Variants in PALM2AKAP2 observed in about 807,000 individuals in gnomAD.
PALM2AKAP2 encodes PALM2 and AKAP2 fusion.
PALM2AKAP2 carries 37 observed loss-of-function variants against 71.5 expected under a neutral mutation model. The observed-to-expected ratio is 0.52, with a 90% confidence interval of 0.40 to 0.68. The LOEUF (loss-of-function observed/expected upper bound fraction) is 0.68, where lower values mean the gene tolerates loss of function less well. Among genes scored for constraint, PALM2AKAP2 ranks in the 30% least tolerant of loss-of-function variants. The pLI, the probability that PALM2AKAP2 is intolerant of heterozygous loss-of-function variation, is 0.00. For synonymous variants in PALM2AKAP2, 468 were observed against 478.8 expected (o/e 0.98, Z 0.29); for missense variants, 1,224 against 1,191.8 (o/e 1.03, Z -0.40).
In PALM2AKAP2 at chr9:109,775,156, G is replaced by A. The variant is rs1375786409; in HGVS notation, c.6-5332G>A. Reference sequence around the variant, plus strand: ...AACCATTTGGCTCTAATTGATTCCCGTACACTCTCCTTATCTACCCAGTTT... The same window carrying A: ...AACCATTTGGCTCTAATTGATTCCCATACACTCTCCTTATCTACCCAGTTT... On this transcript the variant is annotated intron_variant, in intron 1 of 6. Coordinates refer to the PALM2AKAP2 transcript ENST00000374531. 2.0e-5 allele frequency among the ~76,000 whole-genome samples: 3 copies of A among 152,044 alleles called. No individual in the cohort carries two copies. The South Asian group carries it at 6.3e-4, about 32-fold the overall frequency.
chr9:109,880,739 G>A, intron 3 of PALM2AKAP2, 58 bp downstream of exon 3: 1 of 1,594,844 alleles, frequency 6.3e-7, no homozygotes, highest in East Asian at 2.3e-5. Context: ...AGTAACCACT[G>A]CTCTCCTCTA....
chr9:110,035,850 T>G (rs906042463), intron 7 of PALM2AKAP2, among the ~76,000 whole-genome samples: 6 of 139,580 alleles, frequency 4.3e-5, no homozygotes, highest in Admixed American at 1.4e-4. Flanking sequence ...ATAATATATA[T>G]GATATGTTGT....
rs139815561 is a variant in PALM2AKAP2, at chr9:109,682,306, G to T, written c.5+41440G>T. ...GCTTCTCAGAATATATTCTGTTTTGGTGTTTCTGGATCACTTTGCTTCATT... is the reference window on the plus strand; with the variant it reads ...GCTTCTCAGAATATATTCTGTTTTGTTGTTTCTGGATCACTTTGCTTCATT... On this transcript the variant is annotated intron_variant, in intron 1 of 6. Coordinates refer to the PALM2AKAP2 transcript ENST00000374531. Among the ~76,000 whole-genome samples the T allele has an allele frequency of 1.2e-3, 179 of 152,202 alleles. 1 individual carries two copies. Among genetic ancestry groups the T allele is most frequent in the African/African-American group, 4.0e-3 (168 of 41,538 alleles).
chr9:109,691,915 T>C (rs1444223439), intron 1 of PALM2AKAP2, among the ~76,000 whole-genome samples: 23 of 122,928 alleles, frequency 1.9e-4, no homozygotes, highest in African/African-American at 6.1e-4. Flanking sequence ...CACACACATA[T>C]ATATATATAC....
intron 1 of PALM2AKAP2, among the ~76,000 whole-genome samples, chr9:109,795,859 A>G (rs10980045): frequency 0.18 from 27,231 of 152,208 alleles, 2,842 homozygotes; most frequent in East Asian, 0.34. Flanking sequence ...TTTTGAGGAA[A>G]GGGCACCTTT....
At chr9:109,856,475 A>G (rs10980089) in intron 1 of PALM2AKAP2, among the ~76,000 whole-genome samples, 22,877 of 152,166 alleles carry the variant, frequency 0.15, 1,794 homozygotes, top group East Asian at 0.26. Flanking sequence ...AGAATAAAAG[A>G]CCCCAACTTA....
chr9:109,852,234 G>A (rs920165883), intron 1 of PALM2AKAP2, among the ~76,000 whole-genome samples: 1 of 152,194 alleles, frequency 6.6e-6, no homozygotes, highest in African/African-American at 2.4e-5. Context: ...CTGATAGGTA[G>A]TTTTTCAACC....
At chr9:110,032,285 A>T (rs1179061026) in intron 7 of PALM2AKAP2, among the ~76,000 whole-genome samples, 2 of 152,024 alleles carry the variant, frequency 1.3e-5, no homozygotes, top group African/African-American at 4.8e-5. Flanking sequence ...TTGGCCAAGC[A>T]TGGTGGCTTA....
chr9:110,026,957 C>A (rs183179000), intron 7 of PALM2AKAP2, among the ~76,000 whole-genome samples: 2 of 152,078 alleles, frequency 1.3e-5, no homozygotes, highest in African/African-American at 4.8e-5. Flanking sequence ...GCACGAGAAT[C>A]GCTTGAACCC....
Position 109,803,836 on chromosome 9 carries a change from C to T in PALM2AKAP2, c.45+23303C>T, listed in dbSNP as rs575168072. Among the ~76,000 whole-genome samples, 5 of 152,286 alleles carry T rather than the reference C, an allele frequency of 3.3e-5. No individual in the cohort carries two copies. In the East Asian group the frequency reaches 9.6e-4, roughly 29 times the overall value. ...TTCCTTTGATGGGTATGTGCTCCTG[C>T]AGAGTTAAGGGAGTAGATGAGGTTA... On this transcript the variant is annotated intron_variant, in intron 1 of 9. Coordinates refer to the PALM2AKAP2 transcript ENST00000302798.
chr9:109,943,083 C>A (rs775020518), intron 6 of PALM2AKAP2: 2 of 1,614,098 alleles, frequency 1.2e-6, no homozygotes, highest in African/African-American at 1.3e-5. Flanking sequence ...AAGCCCCCAG[C>A]GCTGCAGGGC....
At chr9:109,689,352 A>G (rs1587868775) in intron 1 of PALM2AKAP2, among the ~76,000 whole-genome samples, 1 of 151,814 alleles carries the variant, frequency 6.6e-6, no homozygotes, top group Admixed American at 6.6e-5. Flanking sequence ...ACAGGCGCCC[A>G]CCATGCCCAG....
In PALM2AKAP2 at chr9:109,849,401, G is replaced by GT. The variant is rs199507585; in HGVS notation, c.46-18087dup. ...AGTTGGCCTCACTTTAAAAAATGTT[G>GT]TTTCTTGGATAGCATTTTTCTTTCA... On this transcript the variant is annotated intron_variant, in intron 1 of 9. Transcript: ENST00000302798. Among the ~76,000 whole-genome samples, 611 of 152,274 alleles carry GT rather than the reference G, an allele frequency of 4.0e-3. 3 individuals carry two copies. The highest frequency in any genetic ancestry group is 0.014 in the African/African-American group (598 of 41,572).
chr9:109,750,571 C>CGTGTGTGTGT (rs111708702), intron 1 of PALM2AKAP2, among the ~76,000 whole-genome samples: 6,937 of 147,214 alleles, frequency 0.047, 190 homozygotes, highest in South Asian at 0.091. Context: ...TGCCCTAGGA[C>CGTGTGTGTGT]GTGTGTGTGT....
At chr9:110,163,491 C>A (rs1006722734) in intron 3 of PALM2AKAP2, among the ~76,000 whole-genome samples, 6 of 152,218 alleles carry the variant, frequency 3.9e-5, no homozygotes, top group African/African-American at 1.4e-4. Context: ...TTCCCTCCTC[C>A]CTTACAATCT....
At chr9:109,650,187 G>T (rs1434362698) in intron 1 of PALM2AKAP2, among the ~76,000 whole-genome samples, 1 of 151,890 alleles carries the variant, frequency 6.6e-6, no homozygotes. Flanking sequence ...TCACACAGAT[G>T]TCCCCCACGT....
At chr9:109,863,517 G>C (rs1031433039) in intron 1 of PALM2AKAP2, among the ~76,000 whole-genome samples, 1 of 152,162 alleles carries the variant, frequency 6.6e-6, no homozygotes, top group Non-Finnish European at 1.5e-5. Flanking sequence ...ATAGGGATCT[G>C]CAGCTCAAAG....
At chr9:109,880,411 G>A in intron 2 of PALM2AKAP2, 140 bp from the exon 3 acceptor site, 1 of 1,247,482 alleles carries the variant, frequency 8.0e-7, no homozygotes, top group South Asian at 1.9e-5. Context: ...GAAGTAGGGA[G>A]CCATGTTAGT....
At chr9:110,100,061 A>ATATATATATATG (rs1834957734) in intron 1 of PALM2AKAP2, among the ~76,000 whole-genome samples, 1 of 136,506 alleles carries the variant, frequency 7.3e-6, no homozygotes, top group Non-Finnish European at 1.5e-5. Flanking sequence ...CTATATATAT[A>ATATATATATATG]TATATATATA....
Sources: allele counts gnomAD v4.1 joint callset (sites outside exome capture counted in the v4.1 genomes callset), GRCh38; gene constraint gnomAD v4.1.1; transcripts MANE v1.5; gene names NCBI Gene and HGNC (gene_info 2026-07-23, HGNC 2026-07-21).